Variants in FSHR observed in about 807,000 individuals in gnomAD.
The protein encoded by FSHR is follicle-stimulating hormone receptor.
FSHR carries 46 observed loss-of-function variants against 52.1 expected under a neutral mutation model. The observed-to-expected ratio is 0.88, with a 90% confidence interval of 0.70 to 1.13. The LOEUF is 1.13. FSHR is among the 50% of genes most tolerant of loss of function. The probability of loss-of-function intolerance (pLI) is 0.00; values close to 1 mark genes in which losing one functional copy is unlikely to be tolerated. For missense variants in FSHR, 964 were observed against 834.6 expected (o/e 1.16, Z -1.91); for synonymous variants, 399 against 309.6 (o/e 1.29, Z -3.03).
chr2:49,057,418 C>T (rs891675363), intron 2 of FSHR, among the ~76,000 whole-genome samples: 50 of 151,560 alleles, frequency 3.3e-4, no homozygotes, highest in African/African-American at 1.2e-3. Context: ...AAGTATACAC[C>T]AATAAATTTG....
In FSHR at chr2:48,978,718, G is replaced by A. The variant is rs78046337; in HGVS notation, c.668+4194C>T. Among the ~76,000 whole-genome samples, 472 of 152,302 alleles carry A rather than the reference G, an allele frequency of 3.1e-3. 6 individuals are homozygous for A. The highest frequency in any genetic ancestry group is 0.011 in the African/African-American group (457 of 41,576). ...CTCACAAGGGGGAAATGAGGATGCTGAGCTGCTCCTCTGAAACTCGATGAA... is the reference window on the plus strand; with the variant it reads ...CTCACAAGGGGGAAATGAGGATGCTAAGCTGCTCCTCTGAAACTCGATGAA... On this transcript the variant is annotated intron_variant, in intron 8 of 9. Transcript: ENST00000406846.
chr2:48,985,412 T>C (rs528145232), intron 6 of FSHR, among the ~76,000 whole-genome samples: 14 of 71,626 alleles, frequency 2.0e-4, no homozygotes, highest in Middle Eastern at 5.3e-3. Context: ...TGCTGGGCAC[T>C]GTAACGCATA....
chr2:49,036,384 C>T (rs989118130), intron 2 of FSHR, among the ~76,000 whole-genome samples: 2 of 151,774 alleles, frequency 1.3e-5, no homozygotes, highest in African/African-American at 4.8e-5. Context: ...TCCACTTAAA[C>T]ATTGTTATAT....
chr2:49,044,634 A>G (rs1046648403), intron 2 of FSHR, among the ~76,000 whole-genome samples: 2 of 152,102 alleles, frequency 1.3e-5, no homozygotes, highest in Non-Finnish European at 2.9e-5. Flanking sequence ...AGGAGCAAAG[A>G]AAGTCTGTTT....
chr2:49,084,749 A>G (rs1237978204), intron 1 of FSHR, among the ~76,000 whole-genome samples: 7 of 152,358 alleles, frequency 4.6e-5, no homozygotes, highest in African/African-American at 1.7e-4. Flanking sequence ...ATCTAGAAGA[A>G]ATGGATAAAT....
At chr2:49,013,074 C>A (rs887398258) in intron 4 of FSHR, among the ~76,000 whole-genome samples, 1 of 151,814 alleles carries the variant, frequency 6.6e-6, no homozygotes, top group Admixed American at 6.6e-5. Context: ...GTCTCTCTTT[C>A]TCCTTTCTCT....
chr2:49,150,102 G>T (rs1430869999), intron 1 of FSHR, among the ~76,000 whole-genome samples: 1 of 151,920 alleles, frequency 6.6e-6, no homozygotes. Context: ...AAGATCAAAG[G>T]CACTTTTCTA....
chr2:49,017,369 C>T (rs1028939273), intron 4 of FSHR, 120 bp downstream of exon 4: 1 of 715,630 alleles, frequency 1.4e-6, no homozygotes, highest in Non-Finnish European at 2.4e-6. Flanking sequence ...TCCACTTCTG[C>T]CCCCCACCAC....
chr2:49,024,968 AC>A (rs1177724659), intron 2 of FSHR, among the ~76,000 whole-genome samples: 1 of 152,158 alleles, frequency 6.6e-6, no homozygotes, highest in East Asian at 1.9e-4. Context: ...TAGGCTAAGA[AC>A]TGCTGGAGGA....
At chr2:49,075,508 A>T (rs1468676263) in intron 1 of FSHR, among the ~76,000 whole-genome samples, 2 of 152,214 alleles carry the variant, frequency 1.3e-5, no homozygotes, top group Non-Finnish European at 2.9e-5. Context: ...ATTTGTTTAT[A>T]ATCAGCAAAG....
chr2:48,994,275 A>C (rs1675920233), intron 4 of FSHR, among the ~76,000 whole-genome samples: 1 of 152,194 alleles, frequency 6.6e-6, no homozygotes, highest in African/African-American at 2.4e-5. Context: ...ATATAATTGA[A>C]AGAATGAAGA....
chr2:49,144,532 T>G (rs1328360083), intron 1 of FSHR, among the ~76,000 whole-genome samples: 1 of 152,222 alleles, frequency 6.6e-6, no homozygotes, highest in Non-Finnish European at 1.5e-5. Flanking sequence ...GGATTCCAGA[T>G]GACCTCTTTG....
At chr2:48,969,206 T>C (rs1367338257) in intron 8 of FSHR, among the ~76,000 whole-genome samples, 1 of 152,216 alleles carries the variant, frequency 6.6e-6, no homozygotes, top group East Asian at 1.9e-4. Flanking sequence ...CTACAGTCTA[T>C]TTGTACCTGC....
intron 2 of FSHR, among the ~76,000 whole-genome samples, chr2:49,037,463 A>G (rs1174141724): frequency 1.3e-5 from 2 of 152,210 alleles, no homozygotes; most frequent in African/African-American, 4.8e-5. Flanking sequence ...TATTAGAGGG[A>G]ATATTTGCAC....
chr2:49,026,706 C>G (rs1667921211), intron 2 of FSHR, among the ~76,000 whole-genome samples: 1 of 152,172 alleles, frequency 6.6e-6, no homozygotes, highest in Non-Finnish European at 1.5e-5. Flanking sequence ...GGGAAGGATG[C>G]CCGGTGCCCA....
chr2:49,122,957 C>T (rs1164075453), intron 1 of FSHR, among the ~76,000 whole-genome samples: 1 of 152,160 alleles, frequency 6.6e-6, no homozygotes, highest in Admixed American at 6.5e-5. Flanking sequence ...CCTCTATCAT[C>T]CTCTTCTCCA....
intron 1 of FSHR, among the ~76,000 whole-genome samples, chr2:49,083,785 G>T (rs1038251161): frequency 1.4e-5 from 2 of 146,150 alleles, no homozygotes; most frequent in Non-Finnish European, 3.0e-5. Flanking sequence ...AATTCAACAA[G>T]AAGAGCTAAC....
intron 2 of FSHR, among the ~76,000 whole-genome samples, chr2:49,043,929 C>G (rs1181081116): frequency 6.6e-6 from 1 of 152,170 alleles, no homozygotes; most frequent in East Asian, 1.9e-4. Flanking sequence ...TCCATAAAAC[C>G]TTCTCTTGCT....
At chr2:48,990,157 C>T (rs1238996754) in intron 5 of FSHR, among the ~76,000 whole-genome samples, 3 of 152,136 alleles carry the variant, frequency 2.0e-5, no homozygotes, top group Non-Finnish European at 4.4e-5. Flanking sequence ...CTGTCATTAA[C>T]TCTTTAATAT....
Sources: allele counts gnomAD v4.1 joint callset (sites outside exome capture counted in the v4.1 genomes callset), GRCh38; gene constraint gnomAD v4.1.1; transcripts MANE v1.5; gene names NCBI Gene and HGNC (gene_info 2026-07-23, HGNC 2026-07-21).